Variants in SLC15A4 observed in about 807,000 individuals in gnomAD.
SLC15A4 encodes the protein hPHT1.
In SLC15A4, 26 loss-of-function variants were observed where a neutral mutation model predicts 46.1. The observed-to-expected ratio is 0.56, with a 90% CI of 0.41 to 0.78. SLC15A4 has a LOEUF of 0.78. Among genes scored for constraint, SLC15A4 ranks in the 30% least tolerant of loss-of-function variants. The pLI is 0.00. For missense variants in SLC15A4, 751 were observed against 755.7 expected (o/e 0.99, Z 0.07); for synonymous variants, 370 against 333.4 (o/e 1.11, Z -1.20).
intron 2 of SLC15A4, chr12:128,813,040 C>T (rs1423959587): frequency 6.6e-6 from 1 of 152,182 alleles, no homozygotes; most frequent in Non-Finnish European, 1.5e-5. Flanking sequence ...TGTTCTCTTG[C>T]AGAAATGTCT....
Position 128,823,906 on chromosome 12 carries a change from G to GGCGCCCGC in SLC15A4, c.30_37dup (p.Pro13ArgfsTer33). The GGCGCCCGC allele has an allele frequency of 1.2e-6, 1 of 868,994 alleles. No homozygotes were observed. Among genetic ancestry groups the GGCGCCCGC allele is most frequent in the Non-Finnish European group, 1.4e-6 (1 of 726,092 alleles). The allele number at this position is 868,994 out of a possible 1,614,324, so 53.8% of individuals were successfully genotyped here. ...CGCCGCCCGCCGCGCGCCCAGCAGCGGCGCCCGCTCGCCCGCACCGCCCCC... is the reference window on the plus strand; with the variant it reads ...CGCCGCCCGCCGCGCGCCCAGCAGCGGCGCCCGCGCGCCCGCTCGCCCGCACCGCCCCC... On this transcript the variant is annotated frameshift_variant, in exon 1 of 8. Coordinates refer to ENST00000266771, the MANE Select transcript of SLC15A4 (RefSeq NM_145648.4). LOFTEE classifies it high-confidence loss of function.
At chr12:128,809,327 T>G in intron 4 of SLC15A4, 69 bp downstream of exon 4, 1 of 964,460 alleles carries the variant, frequency 1.0e-6, no homozygotes, top group Non-Finnish European at 1.6e-6. Context: ...GATTTACAGT[T>G]GGTAGAAGGA....
At chr12:128,799,530 C>G (rs1463429332) in intron 6 of SLC15A4, 113 bp from the exon 7 acceptor site, 1 of 1,131,702 alleles carries the variant, frequency 8.8e-7, no homozygotes, top group Middle Eastern at 2.6e-4. Flanking sequence ...GGACTGAGTC[C>G]TGCAGACAGG....
At chr12:128,822,211 C>T (rs1004098098) in intron 1 of SLC15A4, among the ~76,000 whole-genome samples, 1 of 152,254 alleles carries the variant, frequency 6.6e-6, no homozygotes, top group Non-Finnish European at 1.5e-5. Flanking sequence ...TGAAGAGCTG[C>T]AGTGGTTCCT....
rs760201202 is a variant in SLC15A4 at position 128,799,432 on chromosome 12, G to C, written c.1415-15C>G. On this transcript the variant is annotated splice_polypyrimidine_tract_variant and intron_variant, in intron 6 of 7. Coordinates refer to ENST00000266771, the MANE Select transcript of SLC15A4 (RefSeq NM_145648.4). ...AAATTCCAGGCCTGAGGAAAGAAAA[G>C]GGAGGGTCGTTTTTGTGAAAGGGGC... 4 of 1,613,514 alleles carry C rather than the reference G, an allele frequency of 2.5e-6. No homozygotes were observed. Among genetic ancestry groups the C allele is most frequent in the Admixed American group, 1.7e-5 (1 of 59,866 alleles).
At position 128,799,945 on chromosome 12, in the gene SLC15A4, G is replaced by A. The variant is rs547558325; in HGVS notation, c.1415-528C>T. ...CAACTTCCGCCTCCCTGGTTCAAGCGATTCTCCTGCCTCAGCCTCCCGAGT... is the reference window on the plus strand; with the variant it reads ...CAACTTCCGCCTCCCTGGTTCAAGCAATTCTCCTGCCTCAGCCTCCCGAGT... On this transcript the variant is annotated intron_variant, in intron 6 of 7. Transcript: ENST00000266771. Among the ~76,000 whole-genome samples, 16 of 152,204 alleles carry A rather than the reference G, an allele frequency of 1.1e-4. No homozygotes were observed. The East Asian group carries it at 2.5e-3, about 24-fold the overall frequency.
chr12:128,813,159 A>T (rs1282960785), intron 2 of SLC15A4: 1 of 151,822 alleles, frequency 6.6e-6, no homozygotes, highest in African/African-American at 2.4e-5. Flanking sequence ...CTGGCAAAAG[A>T]CTAGTGTCAG....
intron 7 of SLC15A4, 97 bp from the exon 8 acceptor site, chr12:128,794,453 T>A: frequency 1.7e-6 from 2 of 1,203,968 alleles, no homozygotes; most frequent in Non-Finnish European, 2.3e-6. Flanking sequence ...AAGGTTTAAC[T>A]GGAGTCATAA....
chr12:128,800,707 C>T (rs762468583), intron 6 of SLC15A4, 147 bp downstream of exon 6: 11 of 721,584 alleles, frequency 1.5e-5, no homozygotes, highest in South Asian at 8.8e-5. Flanking sequence ...GTTTACCTAG[C>T]GATTCATATT....
At chr12:128,805,933 G>A (rs1299243762) in intron 5 of SLC15A4, among the ~76,000 whole-genome samples, 3 of 152,066 alleles carry the variant, frequency 2.0e-5, no homozygotes, top group Non-Finnish European at 4.4e-5. Context: ...TATAATCCCA[G>A]CACTTTGGGA....
chr12:128,794,490 G>T, intron 7 of SLC15A4, 134 bp from the exon 8 acceptor site: 2 of 860,842 alleles, frequency 2.3e-6, no homozygotes, highest in Non-Finnish European at 3.4e-6. Context: ...TGTCTCTGTA[G>T]TCCAAAATGC....
At chr12:128,805,259 C>A (rs1955570282) in intron 5 of SLC15A4, among the ~76,000 whole-genome samples, 1 of 152,070 alleles carries the variant, frequency 6.6e-6, no homozygotes, top group Non-Finnish European at 1.5e-5. Context: ...CTACTAGTGG[C>A]AGTCCCATTA....
At chr12:128,796,129 A>G (rs570757895) in intron 7 of SLC15A4, among the ~76,000 whole-genome samples, 81 of 152,374 alleles carry the variant, frequency 5.3e-4, no homozygotes, top group African/African-American at 1.9e-3. Flanking sequence ...TAAACACAAT[A>G]TAATACACGT....
rs11370891 is a variant in SLC15A4, at chr12:128,793,785, A to ATT, written c.*409_*410dup. On this transcript the variant is annotated 3_prime_UTR_variant, in exon 8 of 8. Transcript: ENST00000266771. ...CTTAAATATAAGTAACAGTTTATTA[A>ATT]TTTTTTTTTTACAGTGAGATATGGC... 593 of 150,254 alleles carry ATT rather than the reference A, an allele frequency of 3.9e-3. 2 individuals are homozygous for ATT. Among genetic ancestry groups the ATT allele is most frequent in the African/African-American group, 7.4e-3 (300 of 40,816 alleles). The allele number at this position is 150,254 out of a possible 1,614,324, so 9.3% of individuals were successfully genotyped here.
chr12:128,800,706 G>A (rs1167004499), intron 6 of SLC15A4, 148 bp downstream of exon 6: 9 of 718,856 alleles, frequency 1.3e-5, no homozygotes, highest in Non-Finnish European at 1.9e-5. Context: ...TGTTTACCTA[G>A]CGATTCATAT....
At chr12:128,818,999 G>A (rs1366919674) in intron 1 of SLC15A4, among the ~76,000 whole-genome samples, 1 of 152,098 alleles carries the variant, frequency 6.6e-6, no homozygotes, top group Non-Finnish European at 1.5e-5. Context: ...ATTCATCAGT[G>A]AACATTTTCT....
At position 128,821,442 on chromosome 12, in the gene SLC15A4, G is replaced by A. The variant is rs1228510143; in HGVS notation, c.546+1956C>T. Among the ~76,000 whole-genome samples, 7 of 152,206 alleles carry A rather than the reference G, an allele frequency of 4.6e-5. No individual in the cohort carries two copies. The East Asian group carries it at 1.3e-3, about 29-fold the overall frequency. On this transcript the variant is annotated intron_variant, in intron 1 of 7. Coordinates refer to ENST00000266771, the MANE Select transcript of SLC15A4 (RefSeq NM_145648.4). Reference sequence around the variant, plus strand: ...GTCTCCATCACAGTTACTCAATTCTGCCACTGCTTAGTGAAAGCAGCCCCA... The same window carrying A: ...GTCTCCATCACAGTTACTCAATTCTACCACTGCTTAGTGAAAGCAGCCCCA...
intron 2 of SLC15A4, chr12:128,810,464 C>A: frequency 3.8e-6 from 1 of 265,070 alleles, no homozygotes; most frequent in Admixed American, 5.1e-5. Context: ...TGCAGCTCTA[C>A]GTGACACTGG....
chr12:128,821,843 G>A (rs554074115), intron 1 of SLC15A4, among the ~76,000 whole-genome samples: 5 of 148,158 alleles, frequency 3.4e-5, no homozygotes, highest in East Asian at 2.0e-4. Flanking sequence ...CTGAGATCGC[G>A]CCACTGCACT....
Sources: allele counts gnomAD v4.1 joint callset (sites outside exome capture counted in the v4.1 genomes callset), GRCh38; gene constraint gnomAD v4.1.1; transcripts MANE v1.5; gene names NCBI Gene and HGNC (gene_info 2026-07-23, HGNC 2026-07-21).